Variants in TNC observed in about 807,000 individuals in gnomAD.
TNC encodes tenascin.
A neutral mutation model predicts 202.4 loss-of-function variants in TNC; 109 were observed. The ratio of observed to expected loss-of-function variants is 0.54; its 90% CI spans 0.46 to 0.63. The LOEUF (loss-of-function observed/expected upper bound fraction) is 0.63, where lower values mean the gene tolerates loss of function less well. Ranked by LOEUF, TNC falls within the 30% of genes least tolerant of loss-of-function variation. The probability of loss-of-function intolerance (pLI) is 0.00; values close to 1 mark genes in which losing one functional copy is unlikely to be tolerated. For missense variants in TNC, 2,756 were observed against 2,833.3 expected, an observed-to-expected ratio of 0.97 and a Z score of 0.62; for synonymous variants, 1,007 against 1,089.7, an observed-to-expected ratio of 0.92 and a Z score of 1.50.
intron 17 of TNC, among the ~76,000 whole-genome samples, chr9:115,042,544 G>C (rs2132004951): frequency 6.6e-6 from 1 of 152,262 alleles, no homozygotes; most frequent in Non-Finnish European, 1.5e-5. Context: ...CAGGGCCCAG[G>C]GTTGTAGAAA....
At chr9:115,029,732 A>G (rs1225958349) in intron 24 of TNC, among the ~76,000 whole-genome samples, 1 of 152,206 alleles carries the variant, frequency 6.6e-6, no homozygotes, top group Non-Finnish European at 1.5e-5. Context: ...CTGGTGCAGG[A>G]TATTGATAAT....
chr9:115,063,698 G>C (rs1000614941), intron 12 of TNC, 98 bp downstream of exon 12: 1 of 1,286,522 alleles, frequency 7.8e-7, no homozygotes, highest in Non-Finnish European at 1.1e-6. Flanking sequence ...TCCCCAATGT[G>C]GTAGGAGCTG....
chr9:115,048,779 G>T (rs1831410128), intron 15 of TNC, among the ~76,000 whole-genome samples: 1 of 152,186 alleles, frequency 6.6e-6, no homozygotes, highest in African/African-American at 2.4e-5. Context: ...TTTCAAAGAA[G>T]TTGATTGACT....
intron 1 of TNC, among the ~76,000 whole-genome samples, chr9:115,106,739 A>C (rs1408662104): frequency 1.3e-5 from 2 of 152,204 alleles, no homozygotes; most frequent in African/African-American, 4.8e-5. Context: ...ACTATGTACT[A>C]TCTAAAAAAC....
intron 26 of TNC, among the ~76,000 whole-genome samples, chr9:115,024,646 A>G (rs1183297852): frequency 6.6e-6 from 1 of 152,206 alleles, no homozygotes; most frequent in African/African-American, 2.4e-5. Flanking sequence ...TAATAATGGC[A>G]TGCTTTTCTC....
At chr9:115,022,764 A>G (rs1360079918) in intron 27 of TNC, among the ~76,000 whole-genome samples, 1 of 152,202 alleles carries the variant, frequency 6.6e-6, no homozygotes, top group Non-Finnish European at 1.5e-5. Context: ...ATGAAAAACC[A>G]CATCCTAATT....
intron 10 of TNC, among the ~76,000 whole-genome samples, chr9:115,069,808 C>A (rs1833325250): frequency 1.6e-5 from 2 of 123,194 alleles, no homozygotes. Context: ...TCCTCCCTTC[C>A]TCCCTCCCTC....
chr9:115,102,330 C>T (rs2480933), intron 1 of TNC, among the ~76,000 whole-genome samples: 89,954 of 152,016 alleles, frequency 0.59, 27,010 homozygotes, highest in African/African-American at 0.69. Flanking sequence ...ATCAATCCTC[C>T]AGAAGTAGAC....
intron 2 of TNC, 78 bp downstream of exon 2, chr9:115,090,484 G>A: frequency 8.3e-7 from 1 of 1,211,912 alleles, no homozygotes; most frequent in Non-Finnish European, 1.2e-6. Context: ...CACTTTGGAA[G>A]CAAGTGATGG....
intron 6 of TNC, among the ~76,000 whole-genome samples, chr9:115,079,034 G>T (rs1387850697): frequency 6.6e-6 from 1 of 152,040 alleles, no homozygotes; most frequent in Non-Finnish European, 1.5e-5. Flanking sequence ...CCTCCCTGTG[G>T]CTGCCACTGT....
intron 15 of TNC, among the ~76,000 whole-genome samples, chr9:115,054,326 A>G (rs1360746204): frequency 2.6e-5 from 4 of 152,244 alleles, no homozygotes; most frequent in Non-Finnish European, 5.9e-5. Flanking sequence ...TAGCATTGAC[A>G]TGGGATATCC....
At position 115,063,813 on chromosome 9, in the gene TNC, G is replaced by A; in HGVS notation, c.3743C>T (p.Ser1248Phe). ...TAGAATACCTGTCAAGACTTCAACAGAGAGAGGGGTTGTGCTGAAGTCCTG... is the reference window on the plus strand; with the variant it reads ...TAGAATACCTGTCAAGACTTCAACAAAGAGAGGGGTTGTGCTGAAGTCCTG... The part of the protein sequence containing the change: ...VTQDFSTTPL[S>F]VEVLTEEVPD... Residue 1248 changes from serine (S) to phenylalanine (F), a missense_variant, in exon 12 of 28, where the codon TCT becomes TTT. Coordinates refer to ENST00000350763, the MANE Select transcript of TNC (RefSeq NM_002160.4). The A allele has an allele frequency of 6.2e-7, 1 of 1,612,822 alleles. No individual in the cohort carries two copies. Among genetic ancestry groups the A allele is most frequent in the Non-Finnish European group, 8.5e-7 (1 of 1,178,920 alleles).
At chr9:115,104,698 C>T (rs1836483040) in intron 1 of TNC, among the ~76,000 whole-genome samples, 1 of 152,168 alleles carries the variant, frequency 6.6e-6, no homozygotes, top group South Asian at 2.1e-4. Context: ...CTCTTCTTTC[C>T]TTTTCCTGTC....
chr9:115,078,001 G>A lies in TNC; in HGVS notation c.2616C>T (p.Ser872=), dbSNP rs1834009448. The A allele has an allele frequency of 6.2e-7, 1 of 1,614,086 alleles. No individual in the cohort carries two copies. Among genetic ancestry groups the A allele is most frequent in the African/African-American group, 1.3e-5 (1 of 74,938 alleles). Residue 872 remains serine (S), a synonymous_variant, in exon 7 of 28, where the codon TCC becomes TCT. Transcript: ENST00000350763. ...ACATGTCACCTCTGCGGGAGATGAG[G>A]GACACCTCGTACTCAGTGTCAGGCT... is the stretch of plus-strand genomic sequence containing the variant. ...NLKPDTEYEV[S]LISRRGDMSS... is the part of the protein sequence containing the mutation.
intron 9 of TNC, among the ~76,000 whole-genome samples, chr9:115,075,526 C>A (rs2133111907): frequency 6.6e-6 from 1 of 152,284 alleles, no homozygotes; most frequent in East Asian, 1.9e-4. Context: ...GTGACTCACA[C>A]CTGTAATCCC....
In TNC at chr9:115,025,673, C is replaced by T. The variant is rs536641943; in HGVS notation, c.6331+861G>A. Among the ~76,000 whole-genome samples, 25 of 152,240 alleles carry T rather than the reference C, an allele frequency of 1.6e-4. 1 individual carries two copies. In the South Asian group the frequency reaches 5.2e-3, roughly 32 times the overall value. On this transcript the variant is annotated intron_variant, in intron 26 of 27. Transcript: ENST00000350763. ...TCACTGAGCTCTTCTGAACTTCTTTCCTCCTCTGTATAAAAACAACGTCTT... is the reference window on the plus strand; with the variant it reads ...TCACTGAGCTCTTCTGAACTTCTTTTCTCCTCTGTATAAAAACAACGTCTT...
chr9:115,077,932 A>G lies in TNC; in HGVS notation c.2674+11T>C, dbSNP rs1278793687. 6.2e-7 allele frequency: 1 copy of G among 1,610,736 alleles called. No individual in the cohort carries two copies. Among genetic ancestry groups the G allele is most frequent in the Admixed American group, 1.7e-5 (1 of 59,878 alleles). On this transcript the variant is annotated intron_variant, in intron 7 of 27. Transcript: ENST00000350763. ...CTTTACTATATCTGTTAACAGGGGG[A>G]GGCCTTTTACCTGTTGTGAAGGTCT...
chr9:115,048,470 A>G lies in TNC; in HGVS notation c.4642T>C (p.Ser1548Pro). 1 of 1,614,012 alleles carries G rather than the reference A, an allele frequency of 6.2e-7. No individual in the cohort carries two copies. Among genetic ancestry groups the G allele is most frequent in the Non-Finnish European group, 8.5e-7 (1 of 1,179,942 alleles). Residue 1548 changes from serine (S) to proline (P), a missense_variant, in exon 16 of 28, where the codon TCC becomes CCC. By Grantham distance (74) the Ser-to-Pro change is moderately conservative. This residue lies in a region of TNC where 2,559 missense variants were observed against 2,546.0 expected (regional missense o/e 1.01). Coordinates refer to ENST00000350763, the MANE Select transcript of TNC (RefSeq NM_002160.4). ...AAGGCATTCTCCGATGCCATCCAGG[A>G]AACTGTGAACCCGTAGGGATTAATG... ...SDINPYGFTV[S>P]WMASENAFDS...
chr9:115,071,290 G>A (rs1046044121), intron 10 of TNC, among the ~76,000 whole-genome samples: 4 of 152,206 alleles, frequency 2.6e-5, no homozygotes, highest in African/African-American at 9.7e-5. Context: ...TGTGGACAGT[G>A]GAGAAGAACC....
Sources: gnomAD v4.1 joint callset for allele counts (sites outside exome capture counted in the v4.1 genomes callset) on GRCh38, gnomAD v4.1.1 for gene constraint, gnomAD v4.1.1 regional missense constraint, MANE v1.5 for transcripts, NCBI Gene and HGNC (gene_info 2026-07-23, HGNC 2026-07-21) for gene names.